Variants in CYS1 observed in about 807,000 individuals in gnomAD.
CYS1 encodes cystin-1.
Under a neutral mutation model 9.6 loss-of-function variants are expected in CYS1, and 5 were observed. The ratio of observed to expected loss-of-function variants is 0.52; its 90% CI spans 0.27 to 1.10. The LOEUF (loss-of-function observed/expected upper bound fraction) is 1.10, where lower values mean the gene tolerates loss of function less well. Among genes scored for constraint, CYS1 ranks in the 50% least tolerant of loss-of-function variants. The pLI is 0.11. For missense variants in CYS1, 221 were observed against 207.9 expected (o/e 1.06, Z -0.39); for synonymous variants, 88 against 95.7 (o/e 0.92, Z 0.47).
chr2:10,061,268 AAAG>A (rs1206274658), intron 2 of CYS1, among the ~76,000 whole-genome samples: 113 of 152,020 alleles, frequency 7.4e-4, no homozygotes, highest in African/African-American at 2.6e-3. Flanking sequence ...AAACAAACAA[AAAG>A]GCAGAGTAAG....
rs1661657423 is a variant in CYS1 at position 10,063,700 on chromosome 2, G to A, written c.371+2204C>T. ...GGTACCCAAGAGCTGCACGCTGGGG[G>A]GCTGAGACTGGCCTGCAGGGTCCAC... On this transcript the variant is annotated intron_variant, in intron 2 of 2. Coordinates refer to ENST00000381813, the MANE Select transcript of CYS1 (RefSeq NM_001037160.3). The surrounding 1 kb of genome is among the most constrained non-coding windows in gnomAD (Gnocchi z 4.2). Among the ~76,000 whole-genome samples the A allele has an allele frequency of 6.6e-6, 1 of 152,142 alleles. No homozygotes were observed. Among genetic ancestry groups the A allele is most frequent in the African/African-American group, 2.4e-5 (1 of 41,420 alleles).
At chr2:10,064,985 G>T (rs774716998) in intron 2 of CYS1, among the ~76,000 whole-genome samples, 1 of 150,972 alleles carries the variant, frequency 6.6e-6, no homozygotes, top group Non-Finnish European at 1.5e-5. Context: ...CAAGTGATCC[G>T]CCTGCCTAGG....
rs1366393446 is a variant in CYS1 at position 10,056,476 on chromosome 2, G to A, written c.*2377C>T. On this transcript the variant is annotated 3_prime_UTR_variant, in exon 3 of 3. Coordinates refer to ENST00000381813, the MANE Select transcript of CYS1 (RefSeq NM_001037160.3). ...AAAAAAGAAACCGGGAGACACATTT[G>A]TGGTCACTTAAGATTTTTCCAGACA... Among the ~76,000 whole-genome samples the A allele has an allele frequency of 6.6e-6, 1 of 152,242 alleles. No homozygotes were observed. The highest frequency in any genetic ancestry group is 1.5e-5 in the Non-Finnish European group (1 of 68,044).
intron 2 of CYS1, among the ~76,000 whole-genome samples, 199 bp downstream of exon 2, chr2:10,065,705 C>T (rs554292297): frequency 6.6e-6 from 1 of 152,222 alleles, no homozygotes; most frequent in Non-Finnish European, 1.5e-5. Context: ...AGCAAAGCTG[C>T]GGTGAGATGG....
At chr2:10,065,840 G>A in intron 2 of CYS1, 64 bp downstream of exon 2, 1 of 1,540,904 alleles carries the variant, frequency 6.5e-7, no homozygotes, top group Non-Finnish European at 9.0e-7. Flanking sequence ...GGGCTCTGAG[G>A]CTGGCTGGAG....
chr2:10,079,151 G>A lies in CYS1; in HGVS notation c.318+755C>T, dbSNP rs185262457. On this transcript the variant is annotated intron_variant, in intron 1 of 2. Transcript: ENST00000381813. ...AGAGAGCTCTGTGCACTGTCGCCTG[G>A]GGCTGTCCCTCTCCCCCACCCTCCC... Among the ~76,000 whole-genome samples, 921 of 152,202 alleles carry A rather than the reference G, an allele frequency of 6.1e-3. 4 individuals are homozygous for A. The highest frequency in any genetic ancestry group is 0.019 in the South Asian group (92 of 4,824).
Position 10,065,949 on chromosome 2 carries a change from G to A in CYS1, c.326C>T (p.Ala109Val). The change falls in exon 2 of 3, where the codon GCA (alanine) becomes GTA (valine). Residue 109 changes from alanine to valine, a missense_variant. Physicochemically the swap from Ala to Val is moderately conservative, Grantham distance 64. Coordinates refer to ENST00000381813, the MANE Select transcript of CYS1 (RefSeq NM_001037160.3). ...PTAVAGSAVCAEQSTEGHPGS... is the reference protein window; with the variant it reads ...PTAVAGSAVCVEQSTEGHPGS... ...CGGGTGGCCCTCTGTGCTCTGCTCTGCGCACACCTTGAGAAAGATGAAATG... is the reference window on the plus strand; with the variant it reads ...CGGGTGGCCCTCTGTGCTCTGCTCTACGCACACCTTGAGAAAGATGAAATG... 2.5e-6 allele frequency: 4 copies of A among 1,614,214 alleles called. No homozygotes were observed. The highest frequency in any genetic ancestry group is 3.4e-6 in the Non-Finnish European group (4 of 1,180,028).
chr2:10,072,085 TAC>T (rs1661775159), intron 1 of CYS1, among the ~76,000 whole-genome samples: 1 of 152,084 alleles, frequency 6.6e-6, no homozygotes, highest in Non-Finnish European at 1.5e-5. Flanking sequence ...TTTCAAAGGT[TAC>T]TTTTTTTTTT....
At chr2:10,071,262 C>T (rs1374364984) in intron 1 of CYS1, among the ~76,000 whole-genome samples, 3 of 152,218 alleles carry the variant, frequency 2.0e-5, no homozygotes, top group Non-Finnish European at 2.9e-5. Flanking sequence ...CCACCGTGCC[C>T]GGCTCTGAGA....
intron 2 of CYS1, 31 bp downstream of exon 2, chr2:10,065,873 T>G: frequency 6.2e-7 from 1 of 1,613,358 alleles, no homozygotes; most frequent in Middle Eastern, 1.7e-4. Context: ...ACCCGTGGCT[T>G]CTGGGAGAGA....
chr2:10,071,481 G>GTGCGTGAA (rs2125290585), intron 1 of CYS1, among the ~76,000 whole-genome samples: 1 of 152,376 alleles, frequency 6.6e-6, no homozygotes, highest in East Asian at 1.9e-4. Context: ...ATGCCATCCA[G>GTGCGTGAA]TGCGTGAACG....
rs1661585362 is a variant in CYS1 at position 10,058,782 on chromosome 2, C to T, written c.*71G>A. 24 of 1,342,212 alleles carry T rather than the reference C, an allele frequency of 1.8e-5. No homozygotes were observed. In the South Asian group the frequency reaches 2.2e-4, roughly 12 times the overall value. The allele number at this position is 1,342,212 out of a possible 1,614,324, so 83.1% of individuals were successfully genotyped here. The stretch of plus-strand genomic sequence containing the variant: ...GGAGGTGGTTCAGCTCCTGCTAGAG[C>T]TCTGTGCAAGCAGAGGGTGCCCCAG... On this transcript the variant is annotated 3_prime_UTR_variant, in exon 3 of 3. Transcript: ENST00000381813.
At chr2:10,071,051 T>C (rs1208481172) in intron 1 of CYS1, among the ~76,000 whole-genome samples, 2 of 152,100 alleles carry the variant, frequency 1.3e-5, no homozygotes, top group African/African-American at 4.8e-5. Context: ...CTGCAACCTC[T>C]GCCTCCCAGG....
Position 10,079,921 on chromosome 2 carries a change from C to A in CYS1, c.303G>T (p.Ala101=). 2 of 1,116,860 alleles carry A rather than the reference C, an allele frequency of 1.8e-6. No homozygotes were observed. Among genetic ancestry groups the A allele is most frequent in the Non-Finnish European group, 2.2e-6 (2 of 914,160 alleles). 69.2% of individuals were successfully genotyped at this position (1,116,860 alleles called of 1,614,324 possible). The change falls in exon 1 of 3, where the codon GCG becomes GCT. Residue 101 remains alanine (A), a synonymous_variant. Coordinates refer to ENST00000381813, the MANE Select transcript of CYS1 (RefSeq NM_001037160.3). ...PRRPARLRPT[A]VAGSAVCAEQ... is the part of the protein sequence containing the mutation. ...CCACACTCACCGCGCTCCCCGCGACCGCGGTGGGTCGGAGCCGGGCTGGGC... is the reference window on the plus strand; with the variant it reads ...CCACACTCACCGCGCTCCCCGCGACAGCGGTGGGTCGGAGCCGGGCTGGGC...
intron 1 of CYS1, among the ~76,000 whole-genome samples, chr2:10,075,754 C>A (rs1400963617): frequency 7.2e-5 from 11 of 152,168 alleles, no homozygotes; most frequent in African/African-American, 2.2e-4. Flanking sequence ...AGTCCCTCAG[C>A]CTAAGGAGAG....
chr2:10,064,148 GGGT>G (rs1037721004), intron 2 of CYS1, among the ~76,000 whole-genome samples: 2 of 152,082 alleles, frequency 1.3e-5, no homozygotes, highest in African/African-American at 4.8e-5. Context: ...GCTTGAACCC[GGGT>G]GGTGGAGACT....
intron 2 of CYS1, among the ~76,000 whole-genome samples, chr2:10,064,348 A>C (rs1343728199): frequency 6.6e-6 from 1 of 152,222 alleles, no homozygotes; most frequent in Non-Finnish European, 1.5e-5. Context: ...TGTAGAAGTC[A>C]GAAGAAGTAA....
intron 2 of CYS1, among the ~76,000 whole-genome samples, chr2:10,061,532 G>A (rs1661626427): frequency 6.6e-6 from 1 of 152,256 alleles, no homozygotes; most frequent in African/African-American, 2.4e-5. Context: ...CTTGCCTGTG[G>A]ATGTGAAGCT....
chr2:10,070,644 C>T (rs1345269427), intron 1 of CYS1, among the ~76,000 whole-genome samples: 1 of 151,484 alleles, frequency 6.6e-6, no homozygotes, highest in Non-Finnish European at 1.5e-5. Context: ...CTGCGCCTGG[C>T]ATATTTATTT....
Sources: gnomAD v4.1 joint callset for allele counts (sites outside exome capture counted in the v4.1 genomes callset) on GRCh38, gnomAD v4.1.1 for gene constraint, Gnocchi (gnomAD v3.1) non-coding constraint, MANE v1.5 for transcripts, NCBI Gene and HGNC (gene_info 2026-07-23, HGNC 2026-07-21) for gene names.